Variants in CMTM8 observed in about 807,000 individuals in gnomAD.
CMTM8 encodes CKLF-like MARVEL transmembrane domain-containing protein 8.
Under a neutral mutation model 18.6 loss-of-function variants are expected in CMTM8, and 12 were observed. That is an observed-to-expected ratio of 0.65 (90% confidence interval 0.41 to 1.05). CMTM8 has a LOEUF of 1.05. Among genes scored for constraint, CMTM8 ranks in the 50% least tolerant of loss-of-function variants. CMTM8 has a pLI of 0.00. For missense variants in CMTM8, 217 were observed against 227.2 expected, an observed-to-expected ratio of 0.95 and a Z score of 0.29; for synonymous variants, 87 against 90.6, an observed-to-expected ratio of 0.96 and a Z score of 0.23.
chr3:32,267,261 C>T (rs990762237), intron 1 of CMTM8, among the ~76,000 whole-genome samples: 19 of 152,034 alleles, frequency 1.2e-4, no homozygotes, highest in Admixed American at 1.2e-3. Context: ...AGATATAGAC[C>T]AATGGAACAG....
At chr3:32,357,340 C>G in intron 1 of CMTM8, 33 bp from the exon 2 acceptor site, 2 of 1,564,890 alleles carry the variant, frequency 1.3e-6, no homozygotes, top group Non-Finnish European at 1.8e-6. Flanking sequence ...TCTACTGTCC[C>G]CTCCTCTCTC....
chr3:32,249,787 A>G (rs1388132274), intron 1 of CMTM8, among the ~76,000 whole-genome samples: 1 of 152,206 alleles, frequency 6.6e-6, no homozygotes, highest in Non-Finnish European at 1.5e-5. Context: ...TAAATCCCTT[A>G]TCAGATATAT....
At chr3:32,277,340 G>GCT (rs1412114752) in intron 1 of CMTM8, among the ~76,000 whole-genome samples, 3 of 152,036 alleles carry the variant, frequency 2.0e-5, no homozygotes, top group African/African-American at 7.2e-5. Context: ...CTGACTTAGA[G>GCT]GTTTTGTCTG....
chr3:32,295,490 A>AAAAAGG (rs1702863278), intron 1 of CMTM8, among the ~76,000 whole-genome samples: 1 of 141,728 alleles, frequency 7.1e-6, no homozygotes, highest in African/African-American at 2.6e-5. Flanking sequence ...AAAACAAAAC[A>AAAAAGG]GCGGAAAGAG....
At chr3:32,366,348 T>G (rs1286628749) in intron 2 of CMTM8, among the ~76,000 whole-genome samples, 1 of 152,168 alleles carries the variant, frequency 6.6e-6, no homozygotes, top group Non-Finnish European at 1.5e-5. Flanking sequence ...TGTTCACAGG[T>G]CGTAGACTCA....
intron 1 of CMTM8, among the ~76,000 whole-genome samples, chr3:32,305,712 T>G (rs1007249291): frequency 6.6e-6 from 1 of 152,232 alleles, no homozygotes; most frequent in Non-Finnish European, 1.5e-5. Flanking sequence ...AATCCCACTC[T>G]TCAGTTCATA....
At chr3:32,249,764 A>G (rs979335942) in intron 1 of CMTM8, among the ~76,000 whole-genome samples, 3 of 152,220 alleles carry the variant, frequency 2.0e-5, no homozygotes, top group Non-Finnish European at 4.4e-5. Flanking sequence ...CAAGTTCTTT[A>G]TACATTCTGG....
intron 1 of CMTM8, among the ~76,000 whole-genome samples, chr3:32,251,764 A>G (rs1320270076): frequency 1.3e-5 from 2 of 151,950 alleles, no homozygotes; most frequent in African/African-American, 2.4e-5. Context: ...AAATATTTGA[A>G]GAAAATATAG....
intron 1 of CMTM8, among the ~76,000 whole-genome samples, chr3:32,255,647 A>G (rs1214040689): frequency 6.6e-6 from 1 of 152,122 alleles, no homozygotes; most frequent in Non-Finnish European, 1.5e-5. Context: ...TCTTTCTTTT[A>G]CCTTCATACT....
intron 2 of CMTM8, among the ~76,000 whole-genome samples, chr3:32,360,535 T>C (rs901200907): frequency 6.6e-6 from 1 of 152,250 alleles, no homozygotes; most frequent in African/African-American, 2.4e-5. Context: ...TGTTAACAAC[T>C]AAAGGCTCTG....
chr3:32,315,976 C>T (rs999242648), intron 1 of CMTM8, among the ~76,000 whole-genome samples: 5 of 148,212 alleles, frequency 3.4e-5, no homozygotes, highest in Non-Finnish European at 7.4e-5. Context: ...AAGAAAATTA[C>T]CAAGATCTAA....
rs6771370 is a variant in CMTM8 at position 32,259,930 on chromosome 3, C to T, written c.147+20811C>T. 5.3e-6 allele frequency: 6 copies of T among 1,128,588 alleles called. No homozygotes were observed. In the African/African-American group the frequency reaches 9.3e-5, roughly 17 times the overall value. The allele number at this position is 1,128,588 out of a possible 1,614,324, so 69.9% of individuals were successfully genotyped here. ...GCCTGAGGGAGGTGGAGGCCCGCTACACCCTGCAGATAGAGCAGCTCAACG... is the reference window on the plus strand; with the variant it reads ...GCCTGAGGGAGGTGGAGGCCCGCTATACCCTGCAGATAGAGCAGCTCAACG... On this transcript the variant is annotated intron_variant, in intron 1 of 3. Transcript: ENST00000307526.
At chr3:32,264,421 C>T (rs1344385832) in intron 1 of CMTM8, among the ~76,000 whole-genome samples, 1 of 152,176 alleles carries the variant, frequency 6.6e-6, no homozygotes, top group Admixed American at 6.5e-5. Flanking sequence ...TTTGTCACCA[C>T]TAGGCCTGCC....
At chr3:32,266,890 C>G (rs1303169737) in intron 1 of CMTM8, among the ~76,000 whole-genome samples, 1 of 152,178 alleles carries the variant, frequency 6.6e-6, no homozygotes, top group African/African-American at 2.4e-5. Flanking sequence ...ATCCAACTTA[C>G]AAGGGATGTG....
chr3:32,313,876 T>C (rs1027442755), intron 1 of CMTM8, among the ~76,000 whole-genome samples: 1 of 152,036 alleles, frequency 6.6e-6, no homozygotes, highest in Non-Finnish European at 1.5e-5. Flanking sequence ...CATAGAAGGG[T>C]GAGGAGTGGA....
At chr3:32,355,998 C>G (rs114185693) in intron 1 of CMTM8, among the ~76,000 whole-genome samples, 1,855 of 152,286 alleles carry the variant, frequency 0.012, 36 homozygotes, top group African/African-American at 0.042. Flanking sequence ...CGTTTACCTT[C>G]TTCATAACAT....
chr3:32,266,751 CAA>C (rs1702352637), intron 1 of CMTM8, among the ~76,000 whole-genome samples: 1 of 152,220 alleles, frequency 6.6e-6, no homozygotes, highest in African/African-American at 2.4e-5. Flanking sequence ...ACAACTTCAG[CAA>C]AGTCTCAGGA....
At chr3:32,348,742 C>T (rs1381245540) in intron 1 of CMTM8, among the ~76,000 whole-genome samples, 1 of 151,932 alleles carries the variant, frequency 6.6e-6, no homozygotes, top group Non-Finnish European at 1.5e-5. Flanking sequence ...CTCAAGCAGT[C>T]CATCCACCTC....
intron 1 of CMTM8, among the ~76,000 whole-genome samples, chr3:32,305,680 T>C (rs954400547): frequency 6.6e-6 from 1 of 152,174 alleles, no homozygotes; most frequent in African/African-American, 2.4e-5. Context: ...GAGTAGGCAT[T>C]AGTAAGTGTG....
Sources: allele counts gnomAD v4.1 joint callset (sites outside exome capture counted in the v4.1 genomes callset), GRCh38; gene constraint gnomAD v4.1.1; transcripts MANE v1.5; gene names NCBI Gene and HGNC (gene_info 2026-07-23, HGNC 2026-07-21).